The following UBE3D variants were observed in gnomAD, a reference collection of about 807,000 sequenced individuals.
The protein encoded by UBE3D is ubiquitin protein ligase E3D.
Under a neutral mutation model 49.6 loss-of-function variants are expected in UBE3D, and 48 were observed. That is an observed-to-expected ratio of 0.97 (90% CI 0.77 to 1.23). The LOEUF (loss-of-function observed/expected upper bound fraction) is 1.23. Ranked by LOEUF, UBE3D falls within the 50% of genes most tolerant of loss-of-function variation. UBE3D has a pLI of 0.00. For synonymous variants in UBE3D, 189 were observed against 174.2 expected (o/e 1.08, Z -0.67); for missense variants, 452 against 468.4 (o/e 0.96, Z 0.32).
At chr6:83,045,344 G>A (rs1254117337) in intron 3 of UBE3D, among the ~76,000 whole-genome samples, 1 of 152,120 alleles carries the variant, frequency 6.6e-6, no homozygotes, top group African/African-American at 2.4e-5. Flanking sequence ...ATAGGTAAAA[G>A]TATTTTCAAT....
chr6:82,911,775 G>A (rs1303772237), intron 9 of UBE3D, among the ~76,000 whole-genome samples: 2 of 152,150 alleles, frequency 1.3e-5, no homozygotes, highest in African/African-American at 4.8e-5. Flanking sequence ...TAGGACGGGG[G>A]ATCACAACAT....
At position 83,019,064 on chromosome 6, in the gene UBE3D, AGG is replaced by A. The variant is rs1780897358; in HGVS notation, c.917_918del (p.Pro306LeufsTer11). The A allele has an allele frequency of 6.2e-7, 1 of 1,613,896 alleles. No homozygotes were observed. The highest frequency in any genetic ancestry group is 1.3e-5 in the African/African-American group (1 of 74,926). ...LRNSKYIKKF[P>X]LLENTFKADS... Reference sequence around the variant, plus strand: ...TCGGCTTTGAATGTGTTTTCCAACAAGGGGAATTTTTTGATATATTTGGAATT... The same window carrying A: ...TCGGCTTTGAATGTGTTTTCCAACAAGGAATTTTTTGATATATTTGGAATT... On this transcript the variant is annotated frameshift_variant, in exon 8 of 10. Coordinates refer to ENST00000369747, the MANE Select transcript of UBE3D (RefSeq NM_198920.3). LOFTEE classifies it high-confidence loss of function.
At chr6:83,027,458 A>AAAAAAAAAAAAAAAAAAAAAAAAC (rs571635643) in intron 5 of UBE3D, among the ~76,000 whole-genome samples, 1 of 147,466 alleles carries the variant, frequency 6.8e-6, no homozygotes, top group Non-Finnish European at 1.5e-5. Flanking sequence ...AAAAAAAAAA[A>AAAAAAAAAAAAAAAAAAAAAAAAC]AAAGAAACCA....
chr6:82,929,634 A>C (rs889501273), intron 9 of UBE3D, among the ~76,000 whole-genome samples: 3 of 151,938 alleles, frequency 2.0e-5, no homozygotes, highest in African/African-American at 7.3e-5. Context: ...CATAATTCTA[A>C]GCTTTCCCCC....
chr6:82,944,132 G>C (rs1365380290), intron 9 of UBE3D, among the ~76,000 whole-genome samples: 1 of 152,080 alleles, frequency 6.6e-6, no homozygotes, highest in African/African-American at 2.4e-5. Context: ...ACACTAGCTG[G>C]GGCAGCTAAG....
chr6:82,927,103 G>T (rs1379512651), intron 9 of UBE3D, among the ~76,000 whole-genome samples: 1 of 152,028 alleles, frequency 6.6e-6, no homozygotes, highest in Non-Finnish European at 1.5e-5. Flanking sequence ...TCATTAAAAA[G>T]ACTAACTTTT....
intron 9 of UBE3D, among the ~76,000 whole-genome samples, chr6:82,939,665 A>G (rs1456570752): frequency 2.0e-5 from 3 of 152,216 alleles, no homozygotes; most frequent in Non-Finnish European, 4.4e-5. Context: ...GGTGTGTAGT[A>G]GACTGTCCCA....
chr6:82,964,111 C>G (rs1776740778), intron 8 of UBE3D, among the ~76,000 whole-genome samples: 3 of 151,996 alleles, frequency 2.0e-5, no homozygotes, highest in African/African-American at 7.3e-5. Context: ...AAGTAGAGGA[C>G]ACACCATCCT....
rs778863289 is a variant in UBE3D at position 83,057,997 on chromosome 6, T to C, written c.103A>G (p.Met35Val). 3.7e-6 allele frequency: 6 copies of C among 1,614,092 alleles called. No individual in the cohort carries two copies. Among genetic ancestry groups the C allele is most frequent in the Admixed American group, 3.3e-5 (2 of 60,002 alleles). The change falls in exon 2 of 10, where the codon ATG becomes GTG. Residue 35 changes from methionine to valine, a missense_variant. Transcript: ENST00000369747. ...GAAGATGGCATTATGGAAATATTCA[T>C]GGGCATACCTCCTTCTTTCGGTTCT... is the stretch of plus-strand genomic sequence containing the variant. ...LGEPKEGGMP[M>V]NISIMPSSLQ...
chr6:82,904,867 C>T (rs138868727), intron 9 of UBE3D, among the ~76,000 whole-genome samples: 234 of 152,182 alleles, frequency 1.5e-3, no homozygotes, highest in African/African-American at 5.0e-3. Context: ...AACTATAAAC[C>T]TATAGCATTT....
intron 8 of UBE3D, among the ~76,000 whole-genome samples, chr6:82,981,232 T>G (rs961125714): frequency 3.9e-5 from 6 of 152,136 alleles, no homozygotes; most frequent in African/African-American, 1.4e-4. Context: ...GCTGTCTTTT[T>G]AGCTGTAAAA....
intron 9 of UBE3D, among the ~76,000 whole-genome samples, chr6:82,955,063 C>T (rs1776062887): frequency 6.6e-6 from 1 of 152,190 alleles, no homozygotes; most frequent in South Asian, 2.1e-4. Context: ...AACATTCAGA[C>T]CGCTCTAAGA....
chr6:83,053,794 G>GA lies in UBE3D; in HGVS notation c.365+353dup, dbSNP rs560284992. 1.3e-3 allele frequency among the ~76,000 whole-genome samples: 200 copies of GA among 152,266 alleles called. 1 individual carries two copies. The highest frequency in any genetic ancestry group is 0.011 in the Admixed American group (173 of 15,294). ...TTTTTGTGCAAAAGCTTGTTATGTG[G>GA]AAAAAATCACTGAATGTGGAAAATG... On this transcript the variant is annotated intron_variant, in intron 3 of 9. Coordinates refer to ENST00000369747, the MANE Select transcript of UBE3D (RefSeq NM_198920.3).
the UBE3D span, among the ~76,000 whole-genome samples, chr6:82,882,759 C>A: frequency 2.0e-5 from 3 of 152,102 alleles, no homozygotes; most frequent in African/African-American, 4.8e-5. Context: ...TAGAACAGTT[C>A]CTATAGCAAT....
At chr6:82,966,328 A>G (rs1776917410) in intron 8 of UBE3D, among the ~76,000 whole-genome samples, 2 of 152,182 alleles carry the variant, frequency 1.3e-5, no homozygotes, top group Admixed American at 1.3e-4. Flanking sequence ...CTAGATAGTG[A>G]TAGTGGCACA....
chr6:83,043,550 C>A (rs1782818776), intron 4 of UBE3D, among the ~76,000 whole-genome samples: 1 of 152,174 alleles, frequency 6.6e-6, no homozygotes, highest in South Asian at 2.1e-4. Flanking sequence ...TCCTTCATCT[C>A]CCTCAGAATA....
intron 4 of UBE3D, among the ~76,000 whole-genome samples, chr6:83,042,821 A>G (rs1782765142): frequency 6.6e-6 from 1 of 152,300 alleles, no homozygotes; most frequent in Non-Finnish European, 1.5e-5. Context: ...GTGATAGGAG[A>G]AATAGGTTTT....
intron 8 of UBE3D, among the ~76,000 whole-genome samples, chr6:82,976,442 C>T (rs973679108): frequency 6.6e-6 from 1 of 152,150 alleles, no homozygotes; most frequent in African/African-American, 2.4e-5. Context: ...ACCAAGTGTA[C>T]ATACAATTTT....
intron 8 of UBE3D, among the ~76,000 whole-genome samples, chr6:83,007,013 C>T (rs1220048723): frequency 6.6e-6 from 1 of 152,080 alleles, no homozygotes; most frequent in African/African-American, 2.4e-5. Flanking sequence ...AAGACAACTA[C>T]TAATACTATT....
Sources: allele counts gnomAD v4.1 joint callset (sites outside exome capture counted in the v4.1 genomes callset), GRCh38; gene constraint gnomAD v4.1.1; transcripts MANE v1.5; gene names NCBI Gene and HGNC (gene_info 2026-07-23, HGNC 2026-07-21).